Variants in TBC1D1 observed in about 807,000 individuals in gnomAD.
TBC1D1 encodes TBC1 (tre-2/USP6, BUB2, cdc16) domain family, member 1.
In TBC1D1, 89 loss-of-function variants were observed where a neutral mutation model predicts 125.6. The ratio of observed to expected loss-of-function variants is 0.71; its 90% CI spans 0.60 to 0.85. The LOEUF is 0.85. Ranked by LOEUF, TBC1D1 falls within the 40% of genes least tolerant of loss-of-function variation. The probability of loss-of-function intolerance (pLI) is 0.00; values close to 1 mark genes in which losing one functional copy is unlikely to be tolerated. For synonymous variants in TBC1D1, 565 were observed against 564.1 expected (o/e 1.00, Z -0.02); for missense variants, 1,377 against 1,469.2 (o/e 0.94, Z 1.03).
chr4:38,038,835 A>G (rs1305010109), intron 8 of TBC1D1, among the ~76,000 whole-genome samples: 1 of 151,796 alleles, frequency 6.6e-6, no homozygotes, highest in Non-Finnish European at 1.5e-5. Context: ...AGTCCCAGCT[A>G]CTAGGGAGGC....
In TBC1D1 at chr4:38,031,032, TTTTA is replaced by T. The variant is rs572345482; in HGVS notation, c.1302+3159_1302+3162del. On this transcript the variant is annotated intron_variant, in intron 7 of 19. Coordinates refer to ENST00000261439, the MANE Select transcript of TBC1D1 (RefSeq NM_015173.4). ...GGCATACCACACTGCAAAGCCATAT[TTTTA>T]TTTATGAGCGTTTTTGAAATGTTTC... Among the ~76,000 whole-genome samples, 635 of 152,346 alleles carry T rather than the reference TTTTA, an allele frequency of 4.2e-3. 2 individuals are homozygous for T. Among genetic ancestry groups the T allele is most frequent in the Non-Finnish European group, 6.1e-3 (416 of 68,040 alleles).
rs527719037 is a variant in TBC1D1, at chr4:38,037,715, G to A, written c.1413+2017G>A. ...TCTCTGGCCACAGGACTTCAGAAGC[G>A]GACAGAGGACAGTGAGCGCTTCTCT... is the stretch of plus-strand genomic sequence containing the variant. On this transcript the variant is annotated intron_variant, in intron 8 of 19. Coordinates refer to ENST00000261439, the MANE Select transcript of TBC1D1 (RefSeq NM_015173.4). Among the ~76,000 whole-genome samples, 9 of 152,316 alleles carry A rather than the reference G, an allele frequency of 5.9e-5. No individual in the cohort carries two copies. In the South Asian group the frequency reaches 1.2e-3, roughly 21 times the overall value.
intron 2 of TBC1D1, among the ~76,000 whole-genome samples, chr4:37,989,387 C>T (rs980290116): frequency 6.6e-6 from 1 of 152,170 alleles, no homozygotes; most frequent in Non-Finnish European, 1.5e-5. Context: ...TCCCACCTTT[C>T]CAGACCAAAC....
intron 15 of TBC1D1, among the ~76,000 whole-genome samples, chr4:38,113,999 G>T (rs981839853): frequency 2.0e-5 from 3 of 152,012 alleles, no homozygotes; most frequent in Admixed American, 6.6e-5. Flanking sequence ...CCTGCATGGG[G>T]GTCACATTCC....
In TBC1D1 at chr4:38,052,196, C is replaced by T. The variant is rs774726396; in HGVS notation, c.1911-2003C>T. ...GTGTGTGTGTGTGTGTGTGTGTGTGCGCGCGCGTGTGTGTCTTTGTTTATA... is the reference window on the plus strand; with the variant it reads ...GTGTGTGTGTGTGTGTGTGTGTGTGTGCGCGCGTGTGTGTCTTTGTTTATA... On this transcript the variant is annotated intron_variant, in intron 11 of 19. Transcript: ENST00000261439. 4.5e-3 allele frequency: 2,084 copies of T among 467,202 alleles called. 3 individuals are homozygous for T. Among genetic ancestry groups the T allele is most frequent in the South Asian group, 0.012 (343 of 27,606 alleles). 28.9% of individuals were successfully genotyped at this position (467,202 alleles called of 1,614,324 possible).
At chr4:38,021,521 C>T in intron 5 of TBC1D1, 65 bp from the exon 6 acceptor site, 2 of 1,388,526 alleles carry the variant, frequency 1.4e-6, no homozygotes, top group Non-Finnish European at 1.9e-6. Flanking sequence ...GATTTTCTGA[C>T]ATCTCAGCCC....
intron 1 of TBC1D1, among the ~76,000 whole-genome samples, chr4:37,893,104 T>C (rs1713728165): frequency 6.6e-6 from 1 of 152,210 alleles, no homozygotes; most frequent in South Asian, 2.1e-4. Flanking sequence ...TCTTCAGTTG[T>C]CTTGGTGCCT....
intron 4 of TBC1D1, among the ~76,000 whole-genome samples, chr4:38,018,938 A>G (rs1163831069): frequency 6.6e-6 from 1 of 152,010 alleles, no homozygotes; most frequent in Non-Finnish European, 1.5e-5. Flanking sequence ...TATTAGATCT[A>G]TTTCTACTTT....
intron 2 of TBC1D1, among the ~76,000 whole-genome samples, chr4:37,940,305 C>G (rs1725280981): frequency 6.6e-6 from 1 of 152,126 alleles, no homozygotes; most frequent in African/African-American, 2.4e-5. Context: ...GGAGTTCACT[C>G]ATGATTTGGC....
intron 11 of TBC1D1, among the ~76,000 whole-genome samples, chr4:38,050,812 A>G (rs775561969): frequency 3.3e-5 from 5 of 152,236 alleles, no homozygotes; most frequent in African/African-American, 4.8e-5. Context: ...AAGTGTGAGC[A>G]TTAACAGTCC....
At chr4:37,981,156 C>T (rs890444085) in intron 2 of TBC1D1, among the ~76,000 whole-genome samples, 6 of 151,966 alleles carry the variant, frequency 3.9e-5, no homozygotes, top group Non-Finnish European at 8.8e-5. Context: ...TTGGCCAGGC[C>T]GGTCTTGAAC....
At chr4:37,901,710 A>G (rs1233430938) in intron 1 of TBC1D1, among the ~76,000 whole-genome samples, 3 of 47,504 alleles carry the variant, frequency 6.3e-5, no homozygotes, top group Non-Finnish European at 1.5e-4. Flanking sequence ...CTGTCAGAGT[A>G]GCACTGTATC....
intron 12 of TBC1D1, among the ~76,000 whole-genome samples, chr4:38,071,881 G>A (rs1754765445): frequency 1.3e-5 from 2 of 152,206 alleles, no homozygotes; most frequent in Admixed American, 1.3e-4. Flanking sequence ...AGAAGACTGA[G>A]GCTCAAAGAC....
At chr4:37,903,903 C>T (rs1256917209) in intron 2 of TBC1D1, among the ~76,000 whole-genome samples, 1 of 152,134 alleles carries the variant, frequency 6.6e-6, no homozygotes, top group East Asian at 1.9e-4. Context: ...TAATATGGAG[C>T]TCAAAACCAC....
At chr4:38,128,025 T>A (rs684667) in intron 18 of TBC1D1, among the ~76,000 whole-genome samples, 134,165 of 152,160 alleles carry the variant, frequency 0.88, 59,366 homozygotes, top group South Asian at 0.94. Context: ...GTTGCAAAAA[T>A]CTTTATTTTA....
At chr4:37,952,349 A>G in intron 2 of TBC1D1, 1 of 439,940 alleles carries the variant, frequency 2.3e-6, no homozygotes, top group South Asian at 2.4e-5. Context: ...GATGGAATAT[A>G]AATTAAAATC....
chr4:37,921,840 A>G (rs1020790782), intron 2 of TBC1D1, among the ~76,000 whole-genome samples: 1 of 151,482 alleles, frequency 6.6e-6, no homozygotes, highest in Non-Finnish European at 1.5e-5. Flanking sequence ...GGCTCAGGTG[A>G]TCTTCTTGCC....
chr4:37,980,049 G>A (rs368641737), intron 2 of TBC1D1, among the ~76,000 whole-genome samples: 2 of 152,344 alleles, frequency 1.3e-5, no homozygotes, highest in Admixed American at 6.5e-5. Flanking sequence ...AAAGTGCTGG[G>A]ATTACAGGTG....
At chr4:37,892,429 G>A (rs1713548890) in intron 1 of TBC1D1, among the ~76,000 whole-genome samples, 1 of 151,894 alleles carries the variant, frequency 6.6e-6, no homozygotes, top group Non-Finnish European at 1.5e-5. Flanking sequence ...AAAAAAAAGA[G>A]TTTAGGGGAC....
Sources: gnomAD v4.1 joint callset for allele counts (sites outside exome capture counted in the v4.1 genomes callset) on GRCh38, gnomAD v4.1.1 for gene constraint, MANE v1.5 for transcripts, NCBI Gene and HGNC (gene_info 2026-07-23, HGNC 2026-07-21) for gene names.